The following LHX9 variants were observed in gnomAD, a reference collection of about 807,000 sequenced individuals.
LHX9 encodes the protein LIM/homeobox protein Lhx9.
LHX9 carries 9 observed loss-of-function variants against 36.5 expected under a neutral mutation model. That is an observed-to-expected ratio of 0.25 (90% CI 0.15 to 0.43). LHX9 has a LOEUF of 0.43. Among genes scored for constraint, LHX9 ranks in the 20% least tolerant of loss-of-function variants. The probability of loss-of-function intolerance (pLI) is 1.00; values close to 1 mark genes in which losing one functional copy is unlikely to be tolerated. For synonymous variants in LHX9, 211 were observed against 212.1 expected (o/e 0.99, Z 0.04); for missense variants, 464 against 526.4 (o/e 0.88, Z 1.16).
intron 3 of LHX9, 95 bp from the exon 4 acceptor site, chr1:197,927,496 C>A: frequency 1.9e-6 from 2 of 1,033,562 alleles, no homozygotes; most frequent in Non-Finnish European, 3.0e-6. Context: ...TTCACTGCTG[C>A]TTTATTACCA....
At chr1:197,924,043 A>G (rs976198825) in intron 3 of LHX9, among the ~76,000 whole-genome samples, 2 of 152,216 alleles carry the variant, frequency 1.3e-5, no homozygotes, top group Non-Finnish European at 2.9e-5. Context: ...AAAATTATCT[A>G]TGGGAATTGG....
chr1:197,917,403 C>A lies in LHX9; in HGVS notation c.-421C>A. The stretch of plus-strand genomic sequence containing the variant: ...CAACCCAATCTACAGGCACTGGGAA[C>A]TTGCAAGCAGCCAGGGAACGCTGAA... On this transcript the variant is annotated 5_prime_UTR_variant, in exon 1 of 5. Coordinates refer to ENST00000367387, the MANE Select transcript of LHX9 (RefSeq NM_020204.3). 1 of 1,308,498 alleles carries A rather than the reference C, an allele frequency of 7.6e-7. No homozygotes were observed. The highest frequency in any genetic ancestry group is 1.0e-6 in the Non-Finnish European group (1 of 991,934). 81.1% of individuals were successfully genotyped at this position (1,308,498 alleles called of 1,614,324 possible).
rs186452621 is a variant in LHX9, at chr1:197,920,731, T to C, written c.377+557T>C. ...GATTGGAGAAAATCAGCAGCAGGCG[T>C]CTTTATTGATTCTTCTCAGTTATGT... On this transcript the variant is annotated intron_variant, in intron 2 of 4. Coordinates refer to ENST00000367387, the MANE Select transcript of LHX9 (RefSeq NM_020204.3). Among the ~76,000 whole-genome samples the C allele has an allele frequency of 7.2e-5, 11 of 152,282 alleles. No homozygotes were observed. The East Asian group carries it at 1.9e-3, about 27-fold the overall frequency.
chr1:197,924,725 G>GA (rs1660093923), intron 3 of LHX9, among the ~76,000 whole-genome samples: 1 of 152,118 alleles, frequency 6.6e-6, no homozygotes, highest in South Asian at 2.1e-4. Flanking sequence ...GTCTTCCAGG[G>GA]ATCACTTCAT....
upstream of LHX9, among the ~76,000 whole-genome samples, chr1:197,913,976 CG>C (rs1452387536): frequency 1.3e-5 from 2 of 152,154 alleles, no homozygotes; most frequent in African/African-American, 2.4e-5. Context: ...CTACTGGGCT[CG>C]GGTTCTTTGC....
Position 197,917,689 on chromosome 1 carries a change from C to T in LHX9, c.-135C>T. ...GGCCCCCCAAGCAGACCGATTTCCACTCCATCTGTTTCTTCTCCTCCTTTC... is the reference window on the plus strand; with the variant it reads ...GGCCCCCCAAGCAGACCGATTTCCATTCCATCTGTTTCTTCTCCTCCTTTC... On this transcript the variant is annotated 5_prime_UTR_variant, in exon 1 of 5. Coordinates refer to ENST00000367387, the MANE Select transcript of LHX9 (RefSeq NM_020204.3). The T allele has an allele frequency of 1.3e-6, 2 of 1,575,162 alleles. No homozygotes were observed. Among genetic ancestry groups the T allele is most frequent in the Non-Finnish European group, 1.7e-6 (2 of 1,166,086 alleles).
In LHX9 at chr1:197,921,826, G is replaced by C. The variant is rs114971704; in HGVS notation, c.733+167G>C. ...AAGGAAGGGAGAGAGGGAGGAGGAG[G>C]GGGGAAGGGAGGGAGAGGCAGCACT... On this transcript the variant is annotated intron_variant, in intron 3 of 4. Coordinates refer to ENST00000367387, the MANE Select transcript of LHX9 (RefSeq NM_020204.3). The surrounding 1 kb of genome is among the most constrained non-coding windows in gnomAD (Gnocchi z 4.6). Among the ~76,000 whole-genome samples the C allele has an allele frequency of 7.3e-3, 1,114 of 152,316 alleles. 17 individuals are homozygous for C. The highest frequency in any genetic ancestry group is 0.025 in the African/African-American group (1,055 of 41,570).
At chr1:197,928,015 A>G (rs1342580096) in intron 4 of LHX9, among the ~76,000 whole-genome samples, 1 of 152,170 alleles carries the variant, frequency 6.6e-6, no homozygotes, top group African/African-American at 2.4e-5. Flanking sequence ...CATTCTCTCT[A>G]CATATGTGGA....
At chr1:197,917,159 C>T (rs980836241), upstream of LHX9, 4 of 836,870 alleles carry the variant, frequency 4.8e-6, no homozygotes, top group Non-Finnish European at 4.3e-6. Context: ...AGGTAAATGC[C>T]CCCTCCTCCT....
upstream of LHX9, chr1:197,916,540 T>G: frequency 1.6e-6 from 1 of 623,646 alleles, no homozygotes; most frequent in South Asian, 1.9e-5. Context: ...CAACCTTCCT[T>G]CAAACCTGAA....
rs1288485946 is a variant in LHX9, at chr1:197,929,146, A to C, written c.1081A>C (p.Thr361Pro). ...TCTCACTCCACCCGGCACTGCGACC[A>C]CTTTAACAGACCTGACCAATCCCAC... The part of the protein sequence containing the change: ...GALTPPGTAT[T>P]LTDLTNPTIT... The change falls in exon 5 of 5, where the codon ACT (threonine) becomes CCT (proline). Residue 361 changes from threonine (T) to proline (P), a missense_variant. Transcript: ENST00000367387. The C allele has an allele frequency of 2.5e-6, 4 of 1,613,202 alleles. No homozygotes were observed. Among genetic ancestry groups the C allele is most frequent in the Non-Finnish European group, 3.4e-6 (4 of 1,179,836 alleles).
At position 197,928,779 on chromosome 1, in the gene LHX9, G is replaced by C. The variant is rs559807168; in HGVS notation, c.937-223G>C. On this transcript the variant is annotated intron_variant, in intron 4 of 4. Coordinates refer to ENST00000367387, the MANE Select transcript of LHX9 (RefSeq NM_020204.3). ...TACAGGGTGGAATAAGTGCAGTTGA[G>C]AGATAATAAATCTGTAGTGTTACTT... Among the ~76,000 whole-genome samples, 5 of 150,656 alleles carry C rather than the reference G, an allele frequency of 3.3e-5. No individual in the cohort carries two copies. The East Asian group carries it at 9.9e-4, about 30-fold the overall frequency.
At position 197,932,076 on chromosome 1, in the gene LHX9, C is replaced by CAA. The variant is rs34018572; in HGVS notation, c.*2825_*2826dup. 3.4e-4 allele frequency: 237 copies of CAA among 690,348 alleles called. No individual in the cohort carries two copies. The highest frequency in any genetic ancestry group is 9.6e-4 in the South Asian group (39 of 40,616). 42.8% of individuals were successfully genotyped at this position (690,348 alleles called of 1,614,324 possible). On this transcript the variant is annotated 3_prime_UTR_variant, in exon 5 of 5. Coordinates refer to ENST00000367387, the MANE Select transcript of LHX9 (RefSeq NM_020204.3). ...TCATACATTAAAAAATTTATTAAGC[C>CAA]AAAAAAAAAGAGAGAGAGAGAGACT...
At chr1:197,914,513 G>A (rs893954824), upstream of LHX9, among the ~76,000 whole-genome samples, 10 of 152,068 alleles carry the variant, frequency 6.6e-5, no homozygotes, top group Non-Finnish European at 1.5e-4. Flanking sequence ...AAAGTCCTTT[G>A]AGAATGAGGA....
chr1:197,913,093 T>C (rs1340431608), upstream of LHX9: 1 of 155,408 alleles, frequency 6.4e-6, no homozygotes, highest in African/African-American at 2.4e-5. Flanking sequence ...TCTGCAGAGC[T>C]GAGGGCAGGC....
intron 1 of LHX9, 52 bp from the exon 2 acceptor site, chr1:197,919,920 G>A (rs768644396): frequency 2.5e-6 from 4 of 1,587,822 alleles, no homozygotes; most frequent in East Asian, 4.5e-5. Context: ...ACCCCGCGTC[G>A]TGCGGCTACA....
At chr1:197,922,834 T>C (rs1446065955) in intron 3 of LHX9, among the ~76,000 whole-genome samples, 1 of 152,184 alleles carries the variant, frequency 6.6e-6, no homozygotes, top group Non-Finnish European at 1.5e-5. Context: ...TCTCAGAGCA[T>C]GGGATCTTGC....
chr1:197,925,590 G>C (rs1012780750), intron 3 of LHX9, among the ~76,000 whole-genome samples: 1 of 152,122 alleles, frequency 6.6e-6, no homozygotes, highest in Non-Finnish European at 1.5e-5. Flanking sequence ...CTGGAGATAA[G>C]TATAGTTTTA....
chr1:197,917,551 C>T lies in LHX9; in HGVS notation c.-273C>T, dbSNP rs1487514863. ...CTCGATCTCTCAGAGCAGTAAGATTCGCCTTCTACGCCTCTTTTTCCCTCC... is the reference window on the plus strand; with the variant it reads ...CTCGATCTCTCAGAGCAGTAAGATTTGCCTTCTACGCCTCTTTTTCCCTCC... On this transcript the variant is annotated 5_prime_UTR_variant, in exon 1 of 5. Coordinates refer to ENST00000367387, the MANE Select transcript of LHX9 (RefSeq NM_020204.3). 3.4e-6 allele frequency: 5 copies of T among 1,466,072 alleles called. No individual in the cohort carries two copies. Among genetic ancestry groups the T allele is most frequent in the South Asian group, 2.5e-5 (2 of 81,302 alleles). 90.8% of individuals were successfully genotyped at this position (1,466,072 alleles called of 1,614,324 possible).
Sources: allele counts gnomAD v4.1 joint callset (sites outside exome capture counted in the v4.1 genomes callset), GRCh38; gene constraint gnomAD v4.1.1; non-coding constraint Gnocchi (gnomAD v3.1); transcripts MANE v1.5; gene names NCBI Gene and HGNC (gene_info 2026-07-23, HGNC 2026-07-21).